Variants in BPTF observed in about 807,000 individuals in gnomAD.
BPTF encodes the protein nucleosome-remodeling factor subunit BPTF.
A neutral mutation model predicts 292.5 loss-of-function variants in BPTF; 18 were observed. That is an observed-to-expected ratio of 0.06 (90% confidence interval 0.04 to 0.09). The LOEUF (loss-of-function observed/expected upper bound fraction) is 0.09. BPTF is among the 10% of genes least tolerant of loss of function. BPTF has a pLI of 1.00. For missense variants in BPTF, 2,726 were observed against 3,498.7 expected, an observed-to-expected ratio of 0.78 and a Z score of 5.57; for synonymous variants, 1,225 against 1,251.9, an observed-to-expected ratio of 0.98 and a Z score of 0.45.
In BPTF at chr17:67,911,516, A is replaced by C. The variant is rs749253326; in HGVS notation, c.3632A>C (p.Asn1211Thr). Residue 1211 changes from asparagine to threonine, a missense_variant, in exon 11 of 28, where the codon AAT becomes ACT. Asn to Thr is a moderately conservative substitution (Grantham distance 65). Transcript: ENST00000306378. ...QEPSKSKTKGNDFFIDDSKLA... is the reference protein window; with the variant it reads ...QEPSKSKTKGTDFFIDDSKLA... ...CCCAGTAAGAGTAAAACAAAAGGAAATGATTTTTTCATCGATGACTCTAAA... is the reference window on the plus strand; with the variant it reads ...CCCAGTAAGAGTAAAACAAAAGGAACTGATTTTTTCATCGATGACTCTAAA... The C allele has an allele frequency of 3.7e-6, 6 of 1,613,520 alleles. No homozygotes were observed. The South Asian group carries it at 6.6e-5, about 18-fold the overall frequency.
intron 3 of BPTF, among the ~76,000 whole-genome samples, chr17:67,873,415 G>A (rs892326245): frequency 5.4e-5 from 8 of 147,592 alleles, no homozygotes; most frequent in East Asian, 2.0e-4. Flanking sequence ...CCAGGAGTGC[G>A]CCATTACACT....
intron 7 of BPTF, among the ~76,000 whole-genome samples, chr17:67,903,100 C>T (rs1352035904): frequency 6.6e-6 from 1 of 152,244 alleles, no homozygotes; most frequent in Admixed American, 6.5e-5. Flanking sequence ...TATGGGCCGA[C>T]CTTCCTCATC....
chr17:67,944,525 G>A (rs1362525626), intron 20 of BPTF, 153 bp downstream of exon 20: 6 of 805,826 alleles, frequency 7.4e-6, no homozygotes, highest in East Asian at 2.7e-5. Flanking sequence ...ACAACGTCTC[G>A]AAGCTTTTGT....
At chr17:67,856,774 C>G (rs907999587) in intron 2 of BPTF, among the ~76,000 whole-genome samples, 36 of 152,154 alleles carry the variant, frequency 2.4e-4, no homozygotes, top group African/African-American at 6.3e-4. Context: ...ATTTATTGTG[C>G]ACACAGCATT....
chr17:67,879,751 A>G (rs2060276065), intron 4 of BPTF, among the ~76,000 whole-genome samples: 1 of 152,090 alleles, frequency 6.6e-6, no homozygotes, highest in Admixed American at 6.6e-5. Context: ...ATTGTGAGAG[A>G]GCAAATAGGG....
At position 67,982,459 on chromosome 17, in the gene BPTF, G is replaced by A. The variant is rs1186066067; in HGVS notation, c.*171G>A. ...ATATTCTTGGCCAATTTTGTCCAAC[G>A]GACAAGAAAAAAGCAAAGTCAACGA... On this transcript the variant is annotated 3_prime_UTR_variant, in exon 28 of 28. Transcript: ENST00000306378. 6 of 502,994 alleles carry A rather than the reference G, an allele frequency of 1.2e-5. No homozygotes were observed. In the East Asian group the frequency reaches 1.3e-4, roughly 11 times the overall value. 31.2% of individuals were successfully genotyped at this position (502,994 alleles called of 1,614,324 possible).
chr17:67,883,273 G>A (rs958776741), intron 4 of BPTF, among the ~76,000 whole-genome samples: 3 of 152,058 alleles, frequency 2.0e-5, no homozygotes, highest in South Asian at 4.2e-4. Flanking sequence ...CTGAGATCAC[G>A]CCACTGCACT....
At position 67,825,977 on chromosome 17, in the gene BPTF, C is replaced by G. The variant is rs1222426057; in HGVS notation, c.253C>G (p.Pro85Ala). 5.6e-6 allele frequency: 6 copies of G among 1,065,084 alleles called. No individual in the cohort carries two copies. The highest frequency in any genetic ancestry group is 1.3e-4 in the East Asian group (2 of 15,364). The allele number at this position is 1,065,084 out of a possible 1,614,324, so 66.0% of individuals were successfully genotyped here. ...RKPPPPPPAP[P>A]STSAPGRGGR... ...GCCGCCGCCGCCGCCGCCGGCCCCCCCCAGCACCAGCGCCCCGGGCCGGGG... is the reference window on the plus strand; with the variant it reads ...GCCGCCGCCGCCGCCGCCGGCCCCCGCCAGCACCAGCGCCCCGGGCCGGGG... The change falls in exon 1 of 28, where the codon CCC (proline) becomes GCC (alanine). Residue 85 changes from proline to alanine, a missense_variant. This residue lies in a region of BPTF where 103 missense variants were observed against 72.1 expected (regional missense o/e 1.43). Transcript: ENST00000306378.
intron 2 of BPTF, among the ~76,000 whole-genome samples, chr17:67,863,549 T>G (rs2059212152): frequency 2.0e-5 from 3 of 152,174 alleles, no homozygotes; most frequent in Admixed American, 2.0e-4. Flanking sequence ...CTCTCAAAGT[T>G]CTAGAATTAC....
At chr17:67,863,629 A>G (rs1391526031) in intron 2 of BPTF, among the ~76,000 whole-genome samples, 1 of 152,126 alleles carries the variant, frequency 6.6e-6, no homozygotes, top group Non-Finnish European at 1.5e-5. Flanking sequence ...CTCCTTTTCT[A>G]AGGATACCAG....
chr17:67,884,138 CTTTTTTTT>C (rs200471908), intron 4 of BPTF, among the ~76,000 whole-genome samples: 2 of 134,476 alleles, frequency 1.5e-5, no homozygotes, highest in Non-Finnish European at 3.3e-5. Flanking sequence ...CATTTTCTTT[CTTTTTTTT>C]TTTTTTTTTT....
At chr17:67,903,387 C>G (rs907385318) in intron 7 of BPTF, among the ~76,000 whole-genome samples, 2 of 152,100 alleles carry the variant, frequency 1.3e-5, no homozygotes, top group Non-Finnish European at 2.9e-5. Context: ...TTAAAAAAAT[C>G]TGTATATTTT....
At chr17:67,873,575 C>T (rs2059881991) in intron 3 of BPTF, among the ~76,000 whole-genome samples, 1 of 151,952 alleles carries the variant, frequency 6.6e-6, no homozygotes, top group African/African-American at 2.4e-5. Flanking sequence ...AACTATTTTA[C>T]TGTGTGTACT....
chr17:67,893,052 G>A (rs1267027673), intron 5 of BPTF, among the ~76,000 whole-genome samples: 1 of 152,054 alleles, frequency 6.6e-6, no homozygotes, highest in African/African-American at 2.4e-5. Context: ...TGAAAAAAAT[G>A]ATAGGTGAGT....
At chr17:67,976,873 G>A (rs1699235346) in intron 27 of BPTF, among the ~76,000 whole-genome samples, 1 of 152,002 alleles carries the variant, frequency 6.6e-6, no homozygotes, top group Admixed American at 6.6e-5. Flanking sequence ...TGCACTCTAT[G>A]AGGGGTGGGT....
At chr17:67,896,188 T>A (rs957915368) in intron 7 of BPTF, among the ~76,000 whole-genome samples, 3 of 152,160 alleles carry the variant, frequency 2.0e-5, no homozygotes, top group African/African-American at 7.2e-5. Context: ...GGTCTCCATC[T>A]CCTGACCTTG....
intron 27 of BPTF, among the ~76,000 whole-genome samples, chr17:67,977,290 GGA>G (rs770212761): frequency 6.6e-5 from 10 of 152,186 alleles, no homozygotes; most frequent in Non-Finnish European, 1.2e-4. Context: ...CAAGGTGGGT[GGA>G]TCACTTGAGG....
chr17:67,877,982 G>A (rs2060149682), intron 4 of BPTF, among the ~76,000 whole-genome samples: 1 of 152,124 alleles, frequency 6.6e-6, no homozygotes, highest in Non-Finnish European at 1.5e-5. Context: ...TAAATATTAA[G>A]TGAATAACTT....
intron 1 of BPTF, among the ~76,000 whole-genome samples, chr17:67,827,930 C>CTT (rs35169238): frequency 5.4e-5 from 7 of 128,958 alleles, no homozygotes; most frequent in Non-Finnish European, 1.1e-4. Flanking sequence ...AATTTTAGTA[C>CTT]TTTTTTTTTT....
Sources: allele counts gnomAD v4.1 joint callset (sites outside exome capture counted in the v4.1 genomes callset), GRCh38; gene constraint gnomAD v4.1.1; regional missense constraint gnomAD v4.1.1; transcripts MANE v1.5; gene names NCBI Gene and HGNC (gene_info 2026-07-23, HGNC 2026-07-21).